ESPL1: variants seen among roughly 807,000 people sequenced by gnomAD.
The protein encoded by ESPL1 is separin.
In ESPL1, 50 loss-of-function variants were observed where a neutral mutation model predicts 217.2. That is an observed-to-expected ratio of 0.23 (90% CI 0.18 to 0.29). The LOEUF (loss-of-function observed/expected upper bound fraction) is 0.29. Among genes scored for constraint, ESPL1 ranks in the 10% least tolerant of loss-of-function variants. The probability of loss-of-function intolerance (pLI) is 1.00; values close to 1 mark genes in which losing one functional copy is unlikely to be tolerated. For synonymous variants in ESPL1, 994 were observed against 1,081.3 expected, an observed-to-expected ratio of 0.92 and a Z score of 1.58; for missense variants, 1,834 against 2,603.0, an observed-to-expected ratio of 0.70 and a Z score of 6.43.
At position 53,286,706 on chromosome 12, in the gene ESPL1, G is replaced by A. The variant is rs772005456; in HGVS notation, c.3970G>A (p.Ala1324Thr). 1.2e-6 allele frequency: 2 copies of A among 1,614,134 alleles called. No individual in the cohort carries two copies. Among genetic ancestry groups the A allele is most frequent in the Non-Finnish European group, 1.7e-6 (2 of 1,180,020 alleles). ...TTCTGGACGAGGGCGCCAAAAGTTA[G>A]CCTCTGCTCCCCTGCGCCTCAATAA... ...KRSGRGRQKL[A>T]SAPLRLNNTS... The change falls in exon 18 of 31, where the codon GCC becomes ACC. Residue 1324 changes from alanine to threonine, a missense_variant. Physicochemically the swap from Ala to Thr is moderately conservative, Grantham distance 58. This residue lies in a region of ESPL1 where 681 missense variants were observed against 808.0 expected (regional missense o/e 0.84). Coordinates refer to ENST00000257934, the MANE Select transcript of ESPL1 (RefSeq NM_012291.5). This position sits in a 1 kb window ranked among gnomAD's most constrained non-coding sequence, Gnocchi z 5.3.
At chr12:53,277,364 T>C in intron 9 of ESPL1, 106 bp from the exon 10 acceptor site, 1 of 1,495,074 alleles carries the variant, frequency 6.7e-7, no homozygotes, top group South Asian at 1.3e-5. Context: ...CAGGCTGGTC[T>C]TGAACTCCTG....
chr12:53,292,822 G>A lies in ESPL1; in HGVS notation c.6013G>A (p.Ala2005Thr). 6.2e-7 allele frequency: 1 copy of A among 1,609,748 alleles called. No homozygotes were observed. The highest frequency in any genetic ancestry group is 8.5e-7 in the Non-Finnish European group (1 of 1,180,000). ...HDLYIYAGHG[A>T]GARFLDGQAV... ...CTGCCTTAGCTATGCAGGGCATGGGGCTGGTGCCCGCTTCCTTGATGGGCA... is the reference window on the plus strand; with the variant it reads ...CTGCCTTAGCTATGCAGGGCATGGGACTGGTGCCCGCTTCCTTGATGGGCA... The change falls in exon 30 of 31, where the codon GCT becomes ACT. Residue 2005 changes from alanine (A) to threonine (T), a missense_variant. Coordinates refer to ENST00000257934, the MANE Select transcript of ESPL1 (RefSeq NM_012291.5). The surrounding 1 kb of genome is among the most constrained non-coding windows in gnomAD (Gnocchi z 4.5).
intron 15 of ESPL1, 22 bp from the exon 16 acceptor site, chr12:53,283,360 G>C: frequency 6.2e-7 from 1 of 1,613,652 alleles, no homozygotes; most frequent in Non-Finnish European, 8.5e-7. Context: ...GAGTGATGGT[G>C]GTCTTGTCTC....
In ESPL1 at chr12:53,270,446, C is replaced by T. The variant is rs745409617; in HGVS notation, c.1212C>T (p.Tyr404=). 7 of 1,613,658 alleles carry T rather than the reference C, an allele frequency of 4.3e-6. No individual in the cohort carries two copies. In the Admixed American group the frequency reaches 1.2e-4, roughly 27 times the overall value. The change falls in exon 4 of 31, where the codon TAC becomes TAT. Residue 404 remains tyrosine (Y), a synonymous_variant. Transcript: ENST00000257934. ...TGTACTTTCAGGGACTTCACCTCTA[C>T]ACTGTGGTGGTTTATGACTTTGCCC... The part of the protein sequence containing the change: ...LQMYFQGLHL[Y]TVVVYDFAQG...
chr12:53,270,534 GCTCC>G, intron 4 of ESPL1, 52 bp downstream of exon 4: 1 of 323,556 alleles, frequency 3.1e-6, no homozygotes, highest in Non-Finnish European at 3.6e-6. Flanking sequence ...GTTTGGGGTT[GCTCC>G]ACTGCCCTCA....
chr12:53,291,257 G>A (rs1328259081), intron 25 of ESPL1, among the ~76,000 whole-genome samples: 5 of 149,938 alleles, frequency 3.3e-5, no homozygotes, highest in African/African-American at 7.4e-5. Flanking sequence ...AGCTGAGATC[G>A]CCGCACTCCA....
chr12:53,272,642 C>T, intron 5 of ESPL1, 79 bp from the exon 6 acceptor site: 1 of 1,515,750 alleles, frequency 6.6e-7, no homozygotes, highest in South Asian at 1.2e-5. Flanking sequence ...ACAGATCCAG[C>T]TGATCTCTGC....
At position 53,290,846 on chromosome 12, in the gene ESPL1, C is replaced by T. The variant is rs1944044344; in HGVS notation, c.5370C>T (p.Leu1790=). 1.2e-6 allele frequency: 2 copies of T among 1,605,414 alleles called. No homozygotes were observed. The highest frequency in any genetic ancestry group is 1.7e-5 in the Admixed American group (1 of 59,068). The change falls in exon 25 of 31, where the codon CTC becomes CTT. Residue 1790 remains leucine, a synonymous_variant. Transcript: ENST00000257934. ...GGTCTGCCCTCTGCATTCAGGTTCT[C>T]ATCGCTTCCCTAGAGAAGTCTGTGC... ...RLALDHRMEV[L]IASLEKSVLG...
chr12:53,277,522 A>C lies in ESPL1; in HGVS notation c.2138A>C (p.Glu713Ala), dbSNP rs1268770728. 5.6e-6 allele frequency: 9 copies of C among 1,614,140 alleles called. No individual in the cohort carries two copies. Among genetic ancestry groups the C allele is most frequent in the Non-Finnish European group, 7.6e-6 (9 of 1,179,996 alleles). ...GCCCCTGGTAACTTGGAGGAATTTG[A>C]AGTCAATGACCTGAACTATGAAGAT... ...AQAPGNLEEF[E>A]VNDLNYEDKL... The change falls in exon 10 of 31, where the codon GAA becomes GCA. Residue 713 changes from glutamate to alanine, a missense_variant. Glu to Ala is a moderately radical substitution (Grantham distance 107). Around this residue, in one of 5 missense-constraint regions of ESPL1, gnomAD observed 746 missense variants for 1,077.0 expected, o/e 0.69. Coordinates refer to ENST00000257934, the MANE Select transcript of ESPL1 (RefSeq NM_012291.5).
intron 11 of ESPL1, 99 bp downstream of exon 11, chr12:53,278,059 T>C: frequency 1.6e-6 from 2 of 1,240,122 alleles, no homozygotes; most frequent in South Asian, 2.8e-5. Flanking sequence ...TGAGAAGCCA[T>C]GAAAGCCAGT....
At position 53,286,510 on chromosome 12, in the gene ESPL1, A is replaced by T. The variant is rs755002230; in HGVS notation, c.3774A>T (p.Ile1258=). The part of the protein sequence containing the change: ...QSGLKFVAAR[I]PHLEPWRASL... Reference sequence around the variant, plus strand: ...GGCTGAAGTTTGTAGCAGCACGGATACCCCACCTAGAGCCCTGGCGAGCCA... The same window carrying T: ...GGCTGAAGTTTGTAGCAGCACGGATTCCCCACCTAGAGCCCTGGCGAGCCA... Residue 1258 remains isoleucine (I), a synonymous_variant, in exon 18 of 31, where the codon ATA becomes ATT. Transcript: ENST00000257934. The surrounding 1 kb of genome is among the most constrained non-coding windows in gnomAD (Gnocchi z 5.3). The T allele has an allele frequency of 1.2e-6, 2 of 1,613,888 alleles. No homozygotes were observed. Among genetic ancestry groups the T allele is most frequent in the East Asian group, 4.5e-5 (2 of 44,890 alleles).
chr12:53,277,374 G>A, intron 9 of ESPL1, 96 bp from the exon 10 acceptor site: 3 of 1,508,074 alleles, frequency 2.0e-6, no homozygotes, highest in South Asian at 2.5e-5. Flanking sequence ...TTGAACTCCT[G>A]GGCTCCAACA....
intron 11 of ESPL1, among the ~76,000 whole-genome samples, chr12:53,279,096 G>A (rs1042687643): frequency 6.6e-6 from 1 of 152,130 alleles, no homozygotes; most frequent in African/African-American, 2.4e-5. Context: ...TCACTATGTT[G>A]GCCAGGCTGA....
Position 53,268,762 on chromosome 12 carries a change from G to T in ESPL1, c.-5G>T. ...TGGTCTCCTTTTCCCTAGCTCTCCGGTGTCATGAGGAGCTTCAAAAGAGTC... is the reference window on the plus strand; with the variant it reads ...TGGTCTCCTTTTCCCTAGCTCTCCGTTGTCATGAGGAGCTTCAAAAGAGTC... On this transcript the variant is annotated 5_prime_UTR_variant, in exon 2 of 31. Coordinates refer to ENST00000257934, the MANE Select transcript of ESPL1 (RefSeq NM_012291.5). 6.2e-7 allele frequency: 1 copy of T among 1,603,452 alleles called. No homozygotes were observed. The highest frequency in any genetic ancestry group is 8.5e-7 in the Non-Finnish European group (1 of 1,172,422).
chr12:53,284,280 C>G (rs1943910006), intron 17 of ESPL1, 113 bp downstream of exon 17: 1 of 711,960 alleles, frequency 1.4e-6, no homozygotes, highest in Non-Finnish European at 2.5e-6. Context: ...CAGAGTCTCA[C>G]TTTATTACCC....
chr12:53,268,965 A>C (rs1043672620), intron 2 of ESPL1, 59 bp from the exon 3 acceptor site: 15 of 1,507,392 alleles, frequency 1.0e-5, no homozygotes, highest in Non-Finnish European at 1.3e-5. Flanking sequence ...ATTTCTAGTT[A>C]CTTTCTCTAC....
Position 53,292,715 on chromosome 12 carries a change from TG to T in ESPL1, c.5996+61del, listed in dbSNP as rs1944084713. 1.9e-6 allele frequency: 3 copies of T among 1,598,370 alleles called. No individual in the cohort carries two copies. The highest frequency in any genetic ancestry group is 1.7e-6 in the Non-Finnish European group (2 of 1,168,096). ...GGCAGTCCTGAGGATGGTATCACCA[TG>T]GGTTGCTTTGGGACTTGAGAGCCTC... On this transcript the variant is annotated intron_variant, in intron 29 of 30. Coordinates refer to ENST00000257934, the MANE Select transcript of ESPL1 (RefSeq NM_012291.5). The surrounding 1 kb of genome is among the most constrained non-coding windows in gnomAD (Gnocchi z 4.5).
intron 7 of ESPL1, among the ~76,000 whole-genome samples, chr12:53,276,356 T>C (rs1251012789): frequency 6.6e-6 from 1 of 152,088 alleles, no homozygotes; most frequent in Non-Finnish European, 1.5e-5. Flanking sequence ...TGGGGAACCA[T>C]ATGGAATGAA....
chr12:53,286,727 A>C lies in ESPL1; in HGVS notation c.3991A>C (p.Asn1331His). The C allele has an allele frequency of 6.2e-7, 1 of 1,614,130 alleles. No homozygotes were observed. The highest frequency in any genetic ancestry group is 1.7e-5 in the Admixed American group (1 of 60,024). Reference protein sequence around the residue: ...QKLASAPLRLNNTSQKGLEGR... With the variant: ...QKLASAPLRLHNTSQKGLEGR... ...GTTAGCCTCTGCTCCCCTGCGCCTC[A>C]ATAATACCTCTCAGAAAGGTCTGGA... Residue 1331 changes from asparagine to histidine, a missense_variant, in exon 18 of 31, where the codon AAT becomes CAT. Physicochemically the swap from Asn to His is moderately conservative, Grantham distance 68. This residue lies in a region of ESPL1 where 681 missense variants were observed against 808.0 expected (regional missense o/e 0.84). Coordinates refer to ENST00000257934, the MANE Select transcript of ESPL1 (RefSeq NM_012291.5). This position sits in a 1 kb window ranked among gnomAD's most constrained non-coding sequence, Gnocchi z 5.3.
Sources: gnomAD v4.1 joint callset for allele counts (sites outside exome capture counted in the v4.1 genomes callset) on GRCh38, gnomAD v4.1.1 for gene constraint, gnomAD v4.1.1 regional missense constraint, Gnocchi (gnomAD v3.1) non-coding constraint, MANE v1.5 for transcripts, NCBI Gene and HGNC (gene_info 2026-07-23, HGNC 2026-07-21) for gene names.